Variants in NTM observed in about 807,000 individuals in gnomAD.
NTM encodes the protein IgLON family member 2.
Under a neutral mutation model 42.1 loss-of-function variants are expected in NTM, and 13 were observed. The ratio of observed to expected loss-of-function variants is 0.31; its 90% CI spans 0.20 to 0.49. The LOEUF is 0.49. NTM is among the 20% of genes least tolerant of loss of function. NTM has a pLI of 0.99. For synonymous variants in NTM, 187 were observed against 179.2 expected, an observed-to-expected ratio of 1.04 and a Z score of -0.35; for missense variants, 373 against 452.8, an observed-to-expected ratio of 0.82 and a Z score of 1.60.
At chr11:131,815,163 C>T (rs897232923) in intron 1 of NTM, among the ~76,000 whole-genome samples, 2 of 152,164 alleles carry the variant, frequency 1.3e-5, no homozygotes, top group African/African-American at 2.4e-5. Context: ...TGGACTTTCC[C>T]GGCCCTCTCA....
chr11:131,895,351 C>T (rs967816898), intron 1 of NTM, among the ~76,000 whole-genome samples: 1 of 151,234 alleles, frequency 6.6e-6, no homozygotes, highest in Non-Finnish European at 1.5e-5. Flanking sequence ...CTCTGCATAC[C>T]ACAACCTGTT....
chr11:131,931,505 A>C (rs201068291), intron 2 of NTM, among the ~76,000 whole-genome samples: 1 of 92,702 alleles, frequency 1.1e-5, no homozygotes. Flanking sequence ...GTGTGTGTGT[A>C]TGTGTGTGTG....
chr11:131,795,039 A>AG (rs1169324636), intron 1 of NTM: 41 of 964,014 alleles, frequency 4.3e-5, no homozygotes, highest in Non-Finnish European at 4.7e-5. Flanking sequence ...CTGTAGCCAA[A>AG]GGGGGGGAAA....
At chr11:132,330,333 CAATTTA>C in intron 8 of NTM, 148 bp downstream of exon 8, 1 of 836,402 alleles carries the variant, frequency 1.2e-6, no homozygotes, top group East Asian at 2.7e-5. Context: ...ATCTCCGTGT[CAATTTA>C]GATTAACCCC....
intron 1 of NTM, among the ~76,000 whole-genome samples, chr11:131,864,230 G>T (rs1359158253): frequency 6.6e-6 from 1 of 152,142 alleles, no homozygotes. Context: ...GCAATCCAAC[G>T]AAAGACGAAA....
At chr11:132,076,329 AC>A (rs1346681901) in intron 2 of NTM, among the ~76,000 whole-genome samples, 6 of 152,170 alleles carry the variant, frequency 3.9e-5, no homozygotes, top group African/African-American at 1.2e-4. Context: ...AAATTCACTT[AC>A]CAGATCTGCA....
intron 2 of NTM, among the ~76,000 whole-genome samples, chr11:132,095,372 C>A (rs1347470775): frequency 3.3e-5 from 5 of 152,024 alleles, no homozygotes; most frequent in Admixed American, 3.3e-4. Flanking sequence ...ACCCTTTCAT[C>A]CACTGTCTCC....
chr11:131,586,445 G>T (rs571361096), intron 1 of NTM, among the ~76,000 whole-genome samples: 1 of 152,294 alleles, frequency 6.6e-6, no homozygotes, highest in Admixed American at 6.5e-5. Flanking sequence ...TACTCACCCA[G>T]GGAGCCAGCT....
At chr11:131,560,183 A>T (rs1032878161) in intron 1 of NTM, among the ~76,000 whole-genome samples, 1 of 152,188 alleles carries the variant, frequency 6.6e-6, no homozygotes, top group African/African-American at 2.4e-5. Context: ...TCACAGACAG[A>T]AGTGACTCTC....
At chr11:131,601,262 A>G (rs1197878026) in intron 1 of NTM, among the ~76,000 whole-genome samples, 2 of 152,288 alleles carry the variant, frequency 1.3e-5, no homozygotes, top group South Asian at 2.1e-4. Flanking sequence ...CAGGTGGTGT[A>G]GGAACTGAGG....
At chr11:131,446,779 G>T (rs368844771) in intron 1 of NTM, among the ~76,000 whole-genome samples, 1 of 152,210 alleles carries the variant, frequency 6.6e-6, no homozygotes. Context: ...AATGCAGTTT[G>T]TAAGACCCAG....
chr11:131,660,713 C>A, intron 1 of NTM: 1 of 433,102 alleles, frequency 2.3e-6, no homozygotes, highest in Non-Finnish European at 4.1e-6. Context: ...TGAAGAGGGA[C>A]GGAGGAGGCA....
rs112832581 is a variant in NTM, at chr11:132,058,305, G to A, written c.168-87977G>A. 8.4e-4 allele frequency among the ~76,000 whole-genome samples: 128 copies of A among 152,266 alleles called. 1 individual carries two copies. The highest frequency in any genetic ancestry group is 2.7e-3 in the African/African-American group (114 of 41,548). On this transcript the variant is annotated intron_variant, in intron 2 of 8. Coordinates refer to ENST00000683400, the MANE Select transcript of NTM (RefSeq NM_001352005.2). ...GCTGGTTTCGGTAAAAATGGGGAAG[G>A]CGTGGAATGTGCTATGGGGCAGTGC...
rs529634697 is a variant in NTM at position 131,411,512 on chromosome 11, A to G, written c.82+40624A>G. ...GACAAGACTAAGGGGATGGAGAGAA[A>G]AGGCCTCCTGAAGTATTTAGGGGGG... On this transcript the variant is annotated intron_variant, in intron 1 of 8. Coordinates refer to ENST00000683400, the MANE Select transcript of NTM (RefSeq NM_001352005.2). Among the ~76,000 whole-genome samples the G allele has an allele frequency of 2.6e-5, 4 of 151,662 alleles. No homozygotes were observed. In the South Asian group the frequency reaches 8.4e-4, roughly 32 times the overall value.
rs369592191 is a variant in NTM, at chr11:131,906,414, C to T, written c.83-5150C>T. ...AAACTTTATGCTCCTACGATCAACTCCTCCTCCTTCCTGGGGCTCAATCCT... is the reference window on the plus strand; with the variant it reads ...AAACTTTATGCTCCTACGATCAACTTCTCCTCCTTCCTGGGGCTCAATCCT... On this transcript the variant is annotated intron_variant, in intron 1 of 8. Transcript: ENST00000683400. Among the ~76,000 whole-genome samples the T allele has an allele frequency of 4.6e-5, 7 of 152,188 alleles. No homozygotes were observed. In the East Asian group the frequency reaches 1.4e-3, roughly 29 times the overall value.
At chr11:131,545,651 C>G (rs1210159842) in intron 1 of NTM, among the ~76,000 whole-genome samples, 1 of 152,134 alleles carries the variant, frequency 6.6e-6, no homozygotes, top group East Asian at 1.9e-4. Context: ...GACATGAAAT[C>G]AAAGAAACTA....
In NTM at chr11:131,412,105, G is replaced by A. The variant is rs540514679; in HGVS notation, c.82+41217G>A. Among the ~76,000 whole-genome samples, 22 of 152,198 alleles carry A rather than the reference G, an allele frequency of 1.4e-4. 1 individual carries two copies. The highest frequency in any genetic ancestry group is 2.6e-4 in the Admixed American group (4 of 15,288). The stretch of plus-strand genomic sequence containing the variant: ...TTCTAAGAGCAAATTTCCTTTCATT[G>A]TATTGAACCCTAAGAGCTATACATT... On this transcript the variant is annotated intron_variant, in intron 1 of 8. Transcript: ENST00000683400.
At chr11:131,445,140 T>G (rs1949955584) in intron 1 of NTM, among the ~76,000 whole-genome samples, 1 of 152,188 alleles carries the variant, frequency 6.6e-6, no homozygotes, top group African/African-American at 2.4e-5. Context: ...CATTTTGAAT[T>G]AGTGATAATA....
At chr11:131,555,034 T>C (rs1018820926) in intron 1 of NTM, among the ~76,000 whole-genome samples, 1 of 152,178 alleles carries the variant, frequency 6.6e-6, no homozygotes, top group African/African-American at 2.4e-5. Flanking sequence ...TGGTGGCTTG[T>C]GCCAGTAATC....
Sources: gnomAD v4.1 joint callset for allele counts (sites outside exome capture counted in the v4.1 genomes callset) on GRCh38, gnomAD v4.1.1 for gene constraint, MANE v1.5 for transcripts, NCBI Gene and HGNC (gene_info 2026-07-23, HGNC 2026-07-21) for gene names.